DHX35: variants seen among roughly 807,000 people sequenced by gnomAD.
DHX35 encodes the protein DEAH-box helicase 35.
DHX35 carries 84 observed loss-of-function variants against 99.6 expected under a neutral mutation model. The ratio of observed to expected loss-of-function variants is 0.84; its 90% CI spans 0.71 to 1.01. The LOEUF (loss-of-function observed/expected upper bound fraction) is 1.01, where lower values mean the gene tolerates loss of function less well. Ranked by LOEUF, DHX35 falls within the 50% of genes least tolerant of loss-of-function variation. DHX35 has a pLI of 0.00. For synonymous variants in DHX35, 331 were observed against 316.2 expected (o/e 1.05, Z -0.50); for missense variants, 852 against 888.5 (o/e 0.96, Z 0.52).
At chr20:38,971,195 A>G (rs1007759797) in intron 2 of DHX35, among the ~76,000 whole-genome samples, 1 of 152,076 alleles carries the variant, frequency 6.6e-6, no homozygotes, top group Non-Finnish European at 1.5e-5. Context: ...TCTACTAAAA[A>G]TATAAAAAAT....
At chr20:39,036,278 A>G (rs2087149189) in intron 21 of DHX35, among the ~76,000 whole-genome samples, 1 of 152,242 alleles carries the variant, frequency 6.6e-6, no homozygotes, top group Non-Finnish European at 1.5e-5. Flanking sequence ...AAACCCACAA[A>G]GTTAAAGAGC....
In DHX35 at chr20:39,003,849, G is replaced by A. The variant is rs2086566686; in HGVS notation, c.953G>A (p.Gly318Glu). The change falls in exon 11 of 22, where the codon GGA (glycine) becomes GAA (glutamate). Residue 318 changes from glycine to glutamate, a missense_variant. By Grantham distance (98) the Gly-to-Glu change is moderately conservative (BLOSUM62 -2). Transcript: ENST00000252011. Reference sequence around the variant, plus strand: ...CTCCGAGTTCTCCCCATGTATGCAGGACTGCCTTCCTTTGAGCAAATGAAA... The same window carrying A: ...CTCCGAGTTCTCCCCATGTATGCAGAACTGCCTTCCTTTGAGCAAATGAAA... The part of the protein sequence containing the change: ...RHLRVLPMYA[G>E]LPSFEQMKVF... 3 of 1,614,200 alleles carry A rather than the reference G, an allele frequency of 1.9e-6. No individual in the cohort carries two copies. Among genetic ancestry groups the A allele is most frequent in the Middle Eastern group, 1.6e-4 (1 of 6,062 alleles).
At chr20:39,005,538 A>G (rs2086601811) in intron 11 of DHX35, among the ~76,000 whole-genome samples, 1 of 152,150 alleles carries the variant, frequency 6.6e-6, no homozygotes, top group South Asian at 2.1e-4. Context: ...ATACTACATC[A>G]TATCATATTG....
chr20:38,963,189 A>G (rs2085861341), intron 1 of DHX35, among the ~76,000 whole-genome samples: 1 of 152,222 alleles, frequency 6.6e-6, no homozygotes, highest in African/African-American at 2.4e-5. Context: ...CATATGCCAG[A>G]CCGTACTAGA....
chr20:39,015,088 G>A (rs899575824), intron 14 of DHX35, among the ~76,000 whole-genome samples, 154 bp downstream of exon 14: 6 of 152,154 alleles, frequency 3.9e-5, no homozygotes, highest in Admixed American at 3.9e-4. Context: ...ATTGAAATAG[G>A]AAGTTGGGAC....
chr20:39,014,924 T>C lies in DHX35; in HGVS notation c.1392T>C (p.Tyr464=), dbSNP rs2086759340. 1.2e-6 allele frequency: 2 copies of C among 1,614,094 alleles called. No individual in the cohort carries two copies. Among genetic ancestry groups the C allele is most frequent in the Admixed American group, 3.3e-5 (2 of 60,006 alleles). The part of the protein sequence containing the change: ...QSMVQALELL[Y]ALGGLDKDCR... The stretch of plus-strand genomic sequence containing the variant: ...TGGTTCAAGCCTTGGAGTTACTGTA[T>C]GCTCTGGGAGGTATGCCAGTTTCTC... Residue 464 remains tyrosine (Y), a synonymous_variant, in exon 14 of 22, where the codon TAT becomes TAC. Transcript: ENST00000252011.
At chr20:39,030,408 G>C (rs2087029343) in intron 19 of DHX35, 1 of 351,710 alleles carries the variant, frequency 2.8e-6, no homozygotes, top group Admixed American at 4.4e-5. Context: ...TTTTGAAAGA[G>C]CACCTGCAGA....
chr20:38,993,051 C>T (rs2086365712), intron 7 of DHX35, among the ~76,000 whole-genome samples: 1 of 152,200 alleles, frequency 6.6e-6, no homozygotes, highest in South Asian at 2.1e-4. Context: ...TCCACTCTCT[C>T]CTCCCTTCCC....
chr20:38,964,191 G>A (rs1437146642), intron 1 of DHX35, among the ~76,000 whole-genome samples: 3 of 152,156 alleles, frequency 2.0e-5, no homozygotes, highest in African/African-American at 7.2e-5. Flanking sequence ...GATGAATAAG[G>A]TTTTGTTTCA....
intron 17 of DHX35, among the ~76,000 whole-genome samples, chr20:39,024,984 G>A (rs1481153870): frequency 2.0e-5 from 3 of 152,196 alleles, no homozygotes; most frequent in African/African-American, 4.8e-5. Flanking sequence ...GATTGAAACC[G>A]TTTCTGCGTG....
At chr20:39,016,264 C>A (rs760509817) in intron 14 of DHX35, among the ~76,000 whole-genome samples, 6 of 152,098 alleles carry the variant, frequency 3.9e-5, no homozygotes, top group African/African-American at 7.2e-5. Flanking sequence ...CATTACTCAC[C>A]CTGGGTAAGG....
At chr20:38,998,671 T>C (rs1050794318) in intron 8 of DHX35, among the ~76,000 whole-genome samples, 3 of 152,268 alleles carry the variant, frequency 2.0e-5, no homozygotes, top group Admixed American at 1.3e-4. Flanking sequence ...GTTCCTTGAT[T>C]CTGCCTCAAG....
chr20:39,033,834 T>G (rs2087099799), intron 20 of DHX35, among the ~76,000 whole-genome samples: 1 of 152,248 alleles, frequency 6.6e-6, no homozygotes, highest in Admixed American at 6.5e-5. Flanking sequence ...TGTGTCTCTT[T>G]ACAGTCAGTT....
chr20:38,971,781 T>C (rs527718073), intron 2 of DHX35, among the ~76,000 whole-genome samples: 2 of 152,178 alleles, frequency 1.3e-5, no homozygotes, highest in South Asian at 2.1e-4. Context: ...TCATTCCATA[T>C]CAGTACAAGT....
chr20:38,997,318 G>T (rs574079268), intron 8 of DHX35, among the ~76,000 whole-genome samples: 1 of 151,994 alleles, frequency 6.6e-6, no homozygotes, highest in African/African-American at 2.4e-5. Flanking sequence ...TGATCCTCCC[G>T]CCTTGGACTC....
chr20:38,969,085 A>G lies in DHX35; in HGVS notation c.45A>G (p.Thr15=), dbSNP rs772498632. Residue 15 remains threonine, a synonymous_variant, in exon 2 of 22, where the codon ACA becomes ACG. Transcript: ENST00000252011. The part of the protein sequence containing the change: ...VGPVKFWRPG[T]EGPGVSISEE... Reference sequence around the variant, plus strand: ...AAAAAAACATTTCTGCTGCAGGTACAGAGGGGCCAGGTGTAAGCATCTCTG... The same window carrying G: ...AAAAAAACATTTCTGCTGCAGGTACGGAGGGGCCAGGTGTAAGCATCTCTG... 5.0e-6 allele frequency: 8 copies of G among 1,604,228 alleles called. No individual in the cohort carries two copies. In the African/African-American group the frequency reaches 8.1e-5, roughly 16 times the overall value.
chr20:38,981,987 G>C (rs920077957), intron 3 of DHX35, among the ~76,000 whole-genome samples: 1 of 150,564 alleles, frequency 6.6e-6, no homozygotes, highest in African/African-American at 2.4e-5. Context: ...GGATGCTAGA[G>C]TGCTCATTGC....
intron 4 of DHX35, 38 bp from the exon 5 acceptor site, chr20:38,988,775 C>A (rs1343091377): frequency 6.2e-7 from 1 of 1,612,060 alleles, no homozygotes; most frequent in East Asian, 2.2e-5. Context: ...GCAGTAATTT[C>A]TATGTCTCTA....
intron 17 of DHX35, 30 bp downstream of exon 17, chr20:39,023,797 C>T (rs1327439589): frequency 6.4e-7 from 1 of 1,569,060 alleles, no homozygotes; most frequent in Non-Finnish European, 8.8e-7. Context: ...GAAGTGCCGC[C>T]TCAACACACC....
Sources: allele counts gnomAD v4.1 joint callset (sites outside exome capture counted in the v4.1 genomes callset), GRCh38; gene constraint gnomAD v4.1.1; transcripts MANE v1.5; gene names NCBI Gene and HGNC (gene_info 2026-07-23, HGNC 2026-07-21).